The following USH1C variants were observed in gnomAD, a reference collection of about 807,000 sequenced individuals.
USH1C encodes USH1 protein network component harmonin, also known as harmonin.
In USH1C, 90 loss-of-function variants were observed where a neutral mutation model predicts 119.3. The observed-to-expected ratio is 0.75, with a 90% CI of 0.64 to 0.90. The LOEUF (loss-of-function observed/expected upper bound fraction) is 0.90. Ranked by LOEUF, USH1C falls within the 40% of genes least tolerant of loss-of-function variation. USH1C has a pLI of 0.00. For missense variants in USH1C, 1,165 were observed against 1,167.7 expected (o/e 1.00, Z 0.03); for synonymous variants, 465 against 443.3 (o/e 1.05, Z -0.62).
chr11:17,526,737 G>C lies in USH1C; in HGVS notation c.579+16C>G, dbSNP rs1416793381. ...TGACCCCACCCAAACCCCATCACAG[G>C]AGGTCTGGCCCTTACCCCAGATTCC... On this transcript the variant is annotated intron_variant, in intron 7 of 26. Transcript: ENST00000005226. The C allele has an allele frequency of 6.2e-7, 1 of 1,613,662 alleles. No homozygotes were observed. Among genetic ancestry groups the C allele is most frequent in the Admixed American group, 1.7e-5 (1 of 60,000 alleles).
intron 4 of USH1C, 67 bp from the exon 5 acceptor site, chr11:17,527,398 A>G: frequency 8.1e-7 from 1 of 1,236,526 alleles, no homozygotes; most frequent in Non-Finnish European, 1.2e-6. Context: ...CAGACTCACC[A>G]CCAGATGCTC....
chr11:17,501,555 G>A lies in USH1C; in HGVS notation c.2227-20C>T, dbSNP rs1294062827. The stretch of plus-strand genomic sequence containing the variant: ...GGTGAACTAGAGAGAAAAAGACAGT[G>A]GGAAGCTTTGAGCTGGCCTGAAGGA... On this transcript the variant is annotated intron_variant, in intron 21 of 26. Coordinates refer to ENST00000005226, the MANE Select transcript of USH1C (RefSeq NM_153676.4). 1 of 1,608,378 alleles carries A rather than the reference G, an allele frequency of 6.2e-7. No individual in the cohort carries two copies. The highest frequency in any genetic ancestry group is 1.7e-5 in the Admixed American group (1 of 59,456).
chr11:17,516,683 C>T (rs1850160045), intron 14 of USH1C: 1 of 319,848 alleles, frequency 3.1e-6, no homozygotes, highest in African/African-American at 2.1e-5. Flanking sequence ...CATGTCTGGT[C>T]CCTCCATACA....
At chr11:17,533,693 T>C (rs745572699) in intron 1 of USH1C, 31 of 483,602 alleles carry the variant, frequency 6.4e-5, no homozygotes, top group Admixed American at 1.4e-4. Flanking sequence ...GTGTCATCCA[T>C]GGCCAGAAGA....
chr11:17,525,214 A>C (rs1193671357), intron 8 of USH1C, among the ~76,000 whole-genome samples: 1 of 152,182 alleles, frequency 6.6e-6, no homozygotes, highest in South Asian at 2.1e-4. Context: ...GCTGCTACTC[A>C]TTGACTAGAG....
Position 17,526,157 on chromosome 11 carries a change from T to C in USH1C, c.674+190A>G, listed in dbSNP as rs112551413. Among the ~76,000 whole-genome samples, 3,622 of 152,204 alleles carry C rather than the reference T, an allele frequency of 0.024. 151 individuals carry two copies. The highest frequency in any genetic ancestry group is 0.082 in the African/African-American group (3,393 of 41,508). The stretch of plus-strand genomic sequence containing the variant: ...TTGAGGCTACAGTGAGCTATGATCA[T>C]GCCACTGCACTCCAGCCTGGGCAAC... On this transcript the variant is annotated intron_variant, in intron 8 of 26. Transcript: ENST00000005226.
intron 19 of USH1C, among the ~76,000 whole-genome samples, chr11:17,505,027 T>C (rs1849595763): frequency 6.6e-6 from 1 of 152,234 alleles, no homozygotes; most frequent in Non-Finnish European, 1.5e-5. Context: ...GACATTTGGA[T>C]AGAGTTTCCT....
intron 15 of USH1C, among the ~76,000 whole-genome samples, chr11:17,513,784 A>G (rs369704124): frequency 2.6e-5 from 4 of 152,216 alleles, no homozygotes; most frequent in South Asian, 4.2e-4. Flanking sequence ...CTCCTCCAGG[A>G]CCACCACGAG....
At position 17,494,200 on chromosome 11, in the gene USH1C, C is replaced by A. The variant is rs1016594277; in HGVS notation, c.*132G>T. On this transcript the variant is annotated 3_prime_UTR_variant, in exon 27 of 27. Transcript: ENST00000005226. ...TTCCTTATCTGGCCCTGGTTCAGGG[C>A]CAAAGGGAGTTTGAGATTCCTGGGT... 8.4e-7 allele frequency: 1 copy of A among 1,196,416 alleles called. No individual in the cohort carries two copies. The highest frequency in any genetic ancestry group is 1.5e-5 in the African/African-American group (1 of 65,954). The allele number at this position is 1,196,416 out of a possible 1,614,324, so 74.1% of individuals were successfully genotyped here.
chr11:17,531,476 A>G lies in USH1C; in HGVS notation c.171T>C (p.Pro57=), dbSNP rs1850978596. 6.2e-7 allele frequency: 1 copy of G among 1,613,914 alleles called. No homozygotes were observed. The highest frequency in any genetic ancestry group is 8.5e-7 in the Non-Finnish European group (1 of 1,180,036). ...TCAGCGGCCGAATGGCATCAAACAG[A>G]GGCAGACGGCTGGGTTCATTGATGA... ...KLVINEPSRL[P]LFDAIRPLIP... The change falls in exon 3 of 27, where the codon CCT becomes CCC. Residue 57 remains proline (P), a synonymous_variant. Transcript: ENST00000005226. The surrounding 1 kb of genome is among the most constrained non-coding windows in gnomAD (Gnocchi z 4.2).
Position 17,544,383 on chromosome 11 carries a change from C to A in USH1C, c.-76G>T. 5.0e-6 allele frequency: 8 copies of A among 1,602,496 alleles called. No homozygotes were observed. Among genetic ancestry groups the A allele is most frequent in the Admixed American group, 1.7e-5 (1 of 59,548 alleles). ...CCGGCTGCCAGGAGCTGGAAAGAGC[C>A]GCGACCGCGACCGGGCCAGCCGCCC... On this transcript the variant is annotated 5_prime_UTR_variant, in exon 1 of 27. Transcript: ENST00000005226.
Position 17,526,421 on chromosome 11 carries a change from GC to G in USH1C, c.599del (p.Gly200AlafsTer18), listed in dbSNP as rs763179932. The G allele has an allele frequency of 6.2e-7, 1 of 1,614,106 alleles. No individual in the cohort carries two copies. The highest frequency in any genetic ancestry group is 8.5e-7 in the Non-Finnish European group (1 of 1,180,006). On this transcript the variant is annotated frameshift_variant, in exon 8 of 27. Transcript: ENST00000005226. LOFTEE classifies it high-confidence loss of function. ...SESGGVRGSLGSPGNRENKEK... is the reference protein window; with the variant it reads ...SESGGVRGSLXSPGNRENKEK... ...CCTTGTTTTCCCGATTTCCAGGGGA[GC>G]CCAGGCTGCCTCGCACGCCCTGAAA... is the stretch of plus-strand genomic sequence containing the variant.
chr11:17,535,013 G>T (rs758724150), intron 1 of USH1C, among the ~76,000 whole-genome samples: 2 of 152,244 alleles, frequency 1.3e-5, no homozygotes, highest in Admixed American at 1.3e-4. Context: ...ACATAGCCTG[G>T]ATTCTCTCAC....
In USH1C at chr11:17,509,392, G is replaced by T. The variant is rs770590316; in HGVS notation, c.1977C>A (p.Ser659=). Residue 659 remains serine, a synonymous_variant, in exon 18 of 27, where the codon TCC becomes TCA. Coordinates refer to ENST00000005226, the MANE Select transcript of USH1C (RefSeq NM_153676.4). ...GTGGGAAGCTCTGTTCAGGGACAGGGGAGTTAGTGGGCTTCCCACTGTGGT... is the reference window on the plus strand; with the variant it reads ...GTGGGAAGCTCTGTTCAGGGACAGGTGAGTTAGTGGGCTTCCCACTGTGGT... ...AKNHSGKPTN[S]PVPEQSFPPT... is the part of the protein sequence containing the mutation. 1.3e-6 allele frequency: 2 copies of T among 1,595,920 alleles called. No individual in the cohort carries two copies. The highest frequency in any genetic ancestry group is 2.7e-5 in the African/African-American group (2 of 74,650).
At chr11:17,517,898 C>A (rs900344530) in intron 14 of USH1C, among the ~76,000 whole-genome samples, 3 of 152,152 alleles carry the variant, frequency 2.0e-5, no homozygotes, top group East Asian at 3.9e-4. Flanking sequence ...AGCTCTGGGA[C>A]CCTAGGGGAT....
chr11:17,525,440 C>T (rs760532254), intron 8 of USH1C, among the ~76,000 whole-genome samples: 6 of 152,150 alleles, frequency 3.9e-5, no homozygotes, highest in Non-Finnish European at 7.3e-5. Flanking sequence ...TAATATTTAC[C>T]AACTGCTTAC....
intron 4 of USH1C, among the ~76,000 whole-genome samples, chr11:17,530,387 C>T (rs1170282761): frequency 1.3e-5 from 2 of 152,210 alleles, no homozygotes; most frequent in African/African-American, 4.8e-5. Context: ...TCAGGAGACC[C>T]AGTTAGTTTC....
intron 7 of USH1C, 64 bp from the exon 8 acceptor site, chr11:17,526,505 T>A: frequency 6.9e-7 from 1 of 1,447,950 alleles, no homozygotes; most frequent in Non-Finnish European, 9.6e-7. Context: ...CTCTTGAGCT[T>A]GTGGGATCTG....
At chr11:17,508,658 T>C (rs1849742287) in intron 18 of USH1C, among the ~76,000 whole-genome samples, 2 of 152,224 alleles carry the variant, frequency 1.3e-5, no homozygotes, top group South Asian at 2.1e-4. Flanking sequence ...GAAATATGTC[T>C]TTTTCAGAAA....
Sources: allele counts gnomAD v4.1 joint callset (sites outside exome capture counted in the v4.1 genomes callset), GRCh38; gene constraint gnomAD v4.1.1; non-coding constraint Gnocchi (gnomAD v3.1); transcripts MANE v1.5; gene names NCBI Gene and HGNC (gene_info 2026-07-23, HGNC 2026-07-21).